TMEM145: variants seen among roughly 807,000 people sequenced by gnomAD.
TMEM145 encodes the protein transmembrane protein 145.
TMEM145 carries 46 observed loss-of-function variants against 68.5 expected under a neutral mutation model. The observed-to-expected ratio is 0.67, with a 90% CI of 0.53 to 0.86. The LOEUF (loss-of-function observed/expected upper bound fraction) is 0.86, where lower values mean the gene tolerates loss of function less well. Among genes scored for constraint, TMEM145 ranks in the 40% least tolerant of loss-of-function variants. The pLI, the probability that TMEM145 is intolerant of heterozygous loss-of-function variation, is 0.00. For synonymous variants in TMEM145, 255 were observed against 280.2 expected, an observed-to-expected ratio of 0.91 and a Z score of 0.90; for missense variants, 570 against 645.8, an observed-to-expected ratio of 0.88 and a Z score of 1.27.
chr19:42,314,963 G>GC (rs2038840557), intron 5 of TMEM145, 30 bp from the exon 6 acceptor site: 4 of 1,613,754 alleles, frequency 2.5e-6, no homozygotes, highest in Non-Finnish European at 2.5e-6. Flanking sequence ...CTTGCCCAGG[G>GC]CCCCCCTTAG....
chr19:42,317,823 C>T lies in TMEM145; in HGVS notation c.1015C>T (p.Arg339Ter), dbSNP rs755937975. The change falls in exon 12 of 15, where the codon CGA (arginine) becomes TGA (stop). Residue 339 changes from arginine (R) to a stop codon, truncating the protein, a stop_gained. Transcript: ENST00000301204. LOFTEE classifies it high-confidence loss of function. ...WFCYAVLVSL[R>*]HFPEKQPFYV... ...CTGCTATGCTGTGCTTGTCTCACTG[C>T]GACACTTTCCTGAGAAGCAGCCTTT... 5 of 1,614,198 alleles carry T rather than the reference C, an allele frequency of 3.1e-6. No homozygotes were observed. The highest frequency in any genetic ancestry group is 1.1e-5 in the South Asian group (1 of 91,076).
At chr19:42,321,004 G>T (rs2038906110) in intron 13 of TMEM145, 1 of 398,380 alleles carries the variant, frequency 2.5e-6, no homozygotes, top group Admixed American at 4.4e-5. Flanking sequence ...CTCTCTCTTT[G>T]CCCTCCCTTC....
At chr19:42,314,737 G>A (rs375843863) in intron 4 of TMEM145, 38 bp downstream of exon 4, 13 of 1,614,052 alleles carry the variant, frequency 8.1e-6, no homozygotes, top group Middle Eastern at 1.6e-4. Context: ...AGGTGCTGAA[G>A]GATGAAGCCT....
intron 12 of TMEM145, among the ~76,000 whole-genome samples, chr19:42,319,352 C>T (rs2038889839): frequency 1.3e-5 from 2 of 152,212 alleles, no homozygotes; most frequent in South Asian, 4.1e-4. Context: ...AGTTTATATA[C>T]ATCAAATGCT....
chr19:42,317,364 A>G (rs1287002225), intron 11 of TMEM145, among the ~76,000 whole-genome samples: 3 of 152,100 alleles, frequency 2.0e-5, no homozygotes, highest in African/African-American at 4.8e-5. Context: ...AAGGCTTTCT[A>G]TCGTCTGTAT....
Position 42,317,714 on chromosome 19 carries a change from T to G in TMEM145, c.906T>G (p.Phe302Leu), listed in dbSNP as rs746775009. 1 of 1,614,154 alleles carries G rather than the reference T, an allele frequency of 6.2e-7. No individual in the cohort carries two copies. The highest frequency in any genetic ancestry group is 8.5e-7 in the Non-Finnish European group (1 of 1,180,002). Residue 302 changes from phenylalanine to leucine, a missense_variant, in exon 12 of 15, where the codon TTT becomes TTG. Transcript: ENST00000301204. Reference protein sequence around the residue: ...VVLLIYEAEFFDPGQVLYTYE... With the variant: ...VVLLIYEAEFLDPGQVLYTYE... Reference sequence around the variant, plus strand: ...ACCCTCTCCTGCGGGTCTAGTTCTTTGACCCAGGCCAGGTACTGTACACGT... The same window carrying G: ...ACCCTCTCCTGCGGGTCTAGTTCTTGGACCCAGGCCAGGTACTGTACACGT...
intron 13 of TMEM145, chr19:42,320,983 C>T (rs750413377): frequency 2.5e-6 from 1 of 399,098 alleles, no homozygotes. Flanking sequence ...CTTCTTTCCT[C>T]AACCCCCATC....
chr19:42,320,578 C>G (rs561656928), intron 13 of TMEM145, 141 bp downstream of exon 13: 2 of 1,218,676 alleles, frequency 1.6e-6, no homozygotes, highest in South Asian at 1.4e-5. Flanking sequence ...TTATTGAGAG[C>G]CTGCTTGGTT....
Position 42,324,887 on chromosome 19 carries a change from C to A in TMEM145, c.*70C>A. The A allele has an allele frequency of 7.1e-7, 1 of 1,406,128 alleles. No individual in the cohort carries two copies. Among genetic ancestry groups the A allele is most frequent in the South Asian group, 1.6e-5 (1 of 62,596 alleles). 87.1% of individuals were successfully genotyped at this position (1,406,128 alleles called of 1,614,324 possible). ...CCTGTGACTCTCCAGGACTCTGCGA[C>A]CCCGGGATGGATATTGCGATGCTGG... On this transcript the variant is annotated 3_prime_UTR_variant, in exon 15 of 15. Coordinates refer to ENST00000301204, the MANE Select transcript of TMEM145 (RefSeq NM_173633.3).
At position 42,313,729 on chromosome 19, in the gene TMEM145, G is replaced by A. The variant is rs983239884; in HGVS notation, c.120+233G>A. 6.6e-6 allele frequency among the ~76,000 whole-genome samples: 1 copy of A among 152,146 alleles called. No individual in the cohort carries two copies. The highest frequency in any genetic ancestry group is 2.4e-5 in the African/African-American group (1 of 41,446). ...AGGGACGTTGAGGTCAGAGCTGAGC[G>A]GGGAGGGGGAGCGGGTTGGGAGAGT... is the stretch of plus-strand genomic sequence containing the variant. On this transcript the variant is annotated intron_variant, in intron 1 of 14. Coordinates refer to ENST00000301204, the MANE Select transcript of TMEM145 (RefSeq NM_173633.3). This position sits in a 1 kb window ranked among gnomAD's most constrained non-coding sequence, Gnocchi z 5.1.
At chr19:42,320,116 T>C (rs563761208) in intron 12 of TMEM145, among the ~76,000 whole-genome samples, 6 of 152,304 alleles carry the variant, frequency 3.9e-5, no homozygotes, top group South Asian at 2.1e-4. Context: ...CTGAGTTAAA[T>C]TGAACCTCCT....
intron 13 of TMEM145, among the ~76,000 whole-genome samples, chr19:42,322,510 C>T (rs2038920767): frequency 6.6e-6 from 1 of 152,072 alleles, no homozygotes; most frequent in Non-Finnish European, 1.5e-5. Flanking sequence ...CAGCACAGCT[C>T]CACCTGGGTA....
intron 11 of TMEM145, 40 bp from the exon 12 acceptor site, chr19:42,317,666 GGGA>G: frequency 6.2e-7 from 1 of 1,609,232 alleles, no homozygotes; most frequent in Non-Finnish European, 8.5e-7. Context: ...CCTAATAGAG[GGGA>G]GGAGGCCAGG....
chr19:42,320,542 C>G, intron 13 of TMEM145, 105 bp downstream of exon 13: 1 of 1,527,888 alleles, frequency 6.5e-7, no homozygotes, highest in Non-Finnish European at 8.9e-7. Flanking sequence ...AGGTCTTGAT[C>G]CATTTTCCTT....
In TMEM145 at chr19:42,315,189, G is replaced by A. The variant is rs200382816; in HGVS notation, c.507G>A (p.Gly169=). Residue 169 remains glycine (G), a splice_region_variant and synonymous_variant, in exon 7 of 15, where the codon GGG becomes GGA. Coordinates refer to ENST00000301204, the MANE Select transcript of TMEM145 (RefSeq NM_173633.3). ...TTACTCCTCCTACCAAATCGGCAGG[G>A]ATCCTGGAGACAGATGTGACCTTCC... The part of the protein sequence containing the change: ...WTRHFSADEF[G]ILETDVTFLL... The A allele has an allele frequency of 3.8e-5, 61 of 1,610,850 alleles. No individual in the cohort carries two copies. In the Admixed American group the frequency reaches 9.8e-4, roughly 26 times the overall value.
rs1020591219 is a variant in TMEM145, at chr19:42,317,901, A to G, written c.1073+20A>G. ...CCTCTGGTGAGAATTGGTGGGCCCC[A>G]GCCTGTCCCTGCCTCCCTCTCGGGG... is the stretch of plus-strand genomic sequence containing the variant. On this transcript the variant is annotated intron_variant, in intron 12 of 14. Coordinates refer to ENST00000301204, the MANE Select transcript of TMEM145 (RefSeq NM_173633.3). 3 of 1,613,124 alleles carry G rather than the reference A, an allele frequency of 1.9e-6. No individual in the cohort carries two copies. The highest frequency in any genetic ancestry group is 1.7e-6 in the Non-Finnish European group (2 of 1,179,330).
Position 42,323,741 on chromosome 19 carries a change from G to T in TMEM145, c.1353G>T (p.Ser451=). ...VYGNVTFISD[S]VPNFTELFSI... is the part of the protein sequence containing the mutation. ...GGAACGTGACGTTTATCAGCGACTC[G>T]GTGCCCAACTTCACGGAGCTCTTCT... is the stretch of plus-strand genomic sequence containing the variant. Residue 451 remains serine, a synonymous_variant, in exon 14 of 15, where the codon TCG becomes TCT. Transcript: ENST00000301204. 1.2e-6 allele frequency: 2 copies of T among 1,614,110 alleles called. No individual in the cohort carries two copies. The highest frequency in any genetic ancestry group is 1.7e-6 in the Non-Finnish European group (2 of 1,180,020).
chr19:42,323,935 G>T, intron 14 of TMEM145, 146 bp downstream of exon 14: 1 of 713,004 alleles, frequency 1.4e-6, no homozygotes, highest in Non-Finnish European at 2.2e-6. Context: ...CCAACACCGC[G>T]CCGCGACCGT....
At chr19:42,320,168 C>A in intron 12 of TMEM145, 149 bp from the exon 13 acceptor site, 1 of 1,077,988 alleles carries the variant, frequency 9.3e-7, no homozygotes, top group Non-Finnish European at 1.4e-6. Context: ...TGCCCCATTT[C>A]AGTCTCTGGC....
Sources: gnomAD v4.1 joint callset for allele counts (sites outside exome capture counted in the v4.1 genomes callset) on GRCh38, gnomAD v4.1.1 for gene constraint, Gnocchi (gnomAD v3.1) non-coding constraint, MANE v1.5 for transcripts, NCBI Gene and HGNC (gene_info 2026-07-23, HGNC 2026-07-21) for gene names.